RAP1GAP2: variants seen among roughly 807,000 people sequenced by gnomAD.
RAP1GAP2 encodes the protein RAP1 GTPase activating protein 2, also known as rap1 GTPase-activating protein 2.
RAP1GAP2 carries 27 observed loss-of-function variants against 95.0 expected under a neutral mutation model. The ratio of observed to expected loss-of-function variants is 0.28; its 90% CI spans 0.21 to 0.39. The LOEUF (loss-of-function observed/expected upper bound fraction) is 0.39, where lower values mean the gene tolerates loss of function less well. Among genes scored for constraint, RAP1GAP2 ranks in the 10% least tolerant of loss-of-function variants. RAP1GAP2 has a pLI of 1.00. For missense variants in RAP1GAP2, 771 were observed against 970.0 expected (o/e 0.79, Z 2.72); for synonymous variants, 373 against 380.9 (o/e 0.98, Z 0.24).
intron 1 of RAP1GAP2, among the ~76,000 whole-genome samples, chr17:2,779,973 G>A (rs80253366): frequency 0.17 from 25,192 of 151,934 alleles, 2,399 homozygotes; most frequent in South Asian, 0.33. Flanking sequence ...GGAGGGCATT[G>A]GGTGAGGTCT....
chr17:2,958,205 C>T (rs1393795059), intron 4 of RAP1GAP2, among the ~76,000 whole-genome samples: 5 of 152,106 alleles, frequency 3.3e-5, no homozygotes, highest in South Asian at 2.1e-4. Context: ...TCAAGTCCTG[C>T]ACCAGACACT....
At chr17:2,960,374 G>A (rs9894459) in intron 4 of RAP1GAP2, among the ~76,000 whole-genome samples, 65,723 of 151,932 alleles carry the variant, frequency 0.43, 16,306 homozygotes, top group African/African-American at 0.68. Flanking sequence ...CAGTTTGCCA[G>A]CTGGGACAGG....
chr17:2,901,010 A>C (rs557565142), intron 2 of RAP1GAP2, among the ~76,000 whole-genome samples: 4 of 152,286 alleles, frequency 2.6e-5, no homozygotes, highest in Non-Finnish European at 5.9e-5. Flanking sequence ...GTGCTGTCAC[A>C]GGGGCTCCGC....
chr17:2,834,162 T>C (rs750956041), intron 2 of RAP1GAP2, among the ~76,000 whole-genome samples: 13 of 152,314 alleles, frequency 8.5e-5, no homozygotes, highest in Admixed American at 1.3e-4. Context: ...GAGAGTTGGC[T>C]GTGGGATTGA....
chr17:2,906,627 G>C lies in RAP1GAP2; in HGVS notation c.165+1259G>C, dbSNP rs1490258831. ...GGTATCTGAGCCGGGTGCTGGGCCAGCTCTTTGCACAGGGTAATGCTAAGA... is the reference window on the plus strand; with the variant it reads ...GGTATCTGAGCCGGGTGCTGGGCCACCTCTTTGCACAGGGTAATGCTAAGA... On this transcript the variant is annotated intron_variant, in intron 3 of 24. Coordinates refer to ENST00000254695, the MANE Select transcript of RAP1GAP2 (RefSeq NM_015085.5). The surrounding 1 kb of genome is among the most constrained non-coding windows in gnomAD (Gnocchi z 4.3). 6.6e-6 allele frequency among the ~76,000 whole-genome samples: 1 copy of C among 152,044 alleles called. No individual in the cohort carries two copies. Among genetic ancestry groups the C allele is most frequent in the African/African-American group, 2.4e-5 (1 of 41,410 alleles).
rs180823446 is a variant in RAP1GAP2, at chr17:2,947,529, T to C, written c.166-10230T>C. ...TCTTGCTTAGCAGAATATTTAGTCA[T>C]TCATCTGGCAAATGTTTATTGAGCA... On this transcript the variant is annotated intron_variant, in intron 3 of 24. Coordinates refer to ENST00000254695, the MANE Select transcript of RAP1GAP2 (RefSeq NM_015085.5). Among the ~76,000 whole-genome samples, 232 of 152,310 alleles carry C rather than the reference T, an allele frequency of 1.5e-3. 2 individuals are homozygous for C. The highest frequency in any genetic ancestry group is 5.5e-3 in the African/African-American group (229 of 41,576).
At chr17:2,780,765 A>G (rs779605906) in intron 1 of RAP1GAP2, among the ~76,000 whole-genome samples, 2 of 152,226 alleles carry the variant, frequency 1.3e-5, no homozygotes, top group Non-Finnish European at 2.9e-5. Flanking sequence ...TTTGTTTTTA[A>G]TAAGTTTAAT....
rs144863807 is a variant in RAP1GAP2 at position 2,999,183 on chromosome 17, G to A, written c.1200+807G>A. Among the ~76,000 whole-genome samples, 417 of 152,240 alleles carry A rather than the reference G, an allele frequency of 2.7e-3. 4 individuals are homozygous for A. Among genetic ancestry groups the A allele is most frequent in the Middle Eastern group, 0.017 (5 of 294 alleles). ...CAGCTCATTGCCCCTGCAGTCCCCC[G>A]CTCCCCACTCCTCATGGCTGGATCT... On this transcript the variant is annotated intron_variant, in intron 14 of 24. Coordinates refer to ENST00000254695, the MANE Select transcript of RAP1GAP2 (RefSeq NM_015085.5).
intron 8 of RAP1GAP2, among the ~76,000 whole-genome samples, chr17:2,969,027 G>A (rs896723516): frequency 6.6e-6 from 1 of 151,908 alleles, no homozygotes; most frequent in African/African-American, 2.4e-5. Context: ...ATGTACACAT[G>A]TATGTAATGA....
chr17:3,018,248 C>T (rs1182919002), intron 18 of RAP1GAP2, 50 bp downstream of exon 18: 7 of 1,518,588 alleles, frequency 4.6e-6, no homozygotes, highest in Non-Finnish European at 5.3e-6. Flanking sequence ...GGGAGGCCCC[C>T]CCCAGACCTA....
At chr17:2,943,707 A>G (rs1486163751) in intron 3 of RAP1GAP2, among the ~76,000 whole-genome samples, 2 of 152,086 alleles carry the variant, frequency 1.3e-5, no homozygotes, top group Admixed American at 1.3e-4. Flanking sequence ...ACCAAACAAA[A>G]ACGTGTACTA....
intron 2 of RAP1GAP2, among the ~76,000 whole-genome samples, chr17:2,895,323 T>C (rs2073855533): frequency 6.6e-6 from 1 of 152,090 alleles, no homozygotes; most frequent in African/African-American, 2.4e-5. Context: ...GGGCCCCTTC[T>C]CCTCCTCAGA....
rs1349507283 is a variant in RAP1GAP2 at position 3,037,190 on chromosome 17, A to G, written c.*3829A>G. The G allele has an allele frequency of 1.5e-4, 23 of 152,704 alleles. No individual in the cohort carries two copies. The allele number at this position is 152,704 out of a possible 1,614,324, so 9.5% of individuals were successfully genotyped here. A position where few individuals can be genotyped will look rare whatever the true frequency, so the allele number is the denominator to read the frequency against. ...ACCGTGTGCCCCTTTGGGAGGAAGA[A>G]GACAAGCCCCACTAGGGCCAAGGGC... is the stretch of plus-strand genomic sequence containing the variant. On this transcript the variant is annotated 3_prime_UTR_variant, in exon 25 of 25. Transcript: ENST00000254695.
In RAP1GAP2 at chr17:2,903,148, T is replaced by C. The variant is rs1424435406; in HGVS notation, c.81-2136T>C. Among the ~76,000 whole-genome samples, 1 of 152,160 alleles carries C rather than the reference T, an allele frequency of 6.6e-6. No homozygotes were observed. Among genetic ancestry groups the C allele is most frequent in the Non-Finnish European group, 1.5e-5 (1 of 68,006 alleles). On this transcript the variant is annotated intron_variant, in intron 2 of 24. Transcript: ENST00000254695. This position sits in a 1 kb window ranked among gnomAD's most constrained non-coding sequence, Gnocchi z 4.1. ...TTTTACTTCCCCTCCCTGCGTGCTT[T>C]TCCTTGCTGGGCTCCTAGCCTTACA...
intron 3 of RAP1GAP2, among the ~76,000 whole-genome samples, chr17:2,924,337 G>C (rs1478285826): frequency 6.6e-6 from 1 of 152,172 alleles, no homozygotes; most frequent in Non-Finnish European, 1.5e-5. Context: ...ATCAAGCAGA[G>C]CCCATCCCGG....
rs866855456 is a variant in RAP1GAP2, at chr17:2,841,297, T to C, written c.80+40747T>C. On this transcript the variant is annotated intron_variant, in intron 2 of 24. Transcript: ENST00000254695. ...GTAGAGAGAAAAGTTACAAGAGATA[T>C]GGGGAATTTTTTTTTTTTTTTTTTG... 1.1e-4 allele frequency among the ~76,000 whole-genome samples: 15 copies of C among 133,144 alleles called. No homozygotes were observed. In the Middle Eastern group the frequency reaches 0.012, roughly 106 times the overall value. The allele number at this position is 133,144 out of a possible 152,430, so 87.3% of individuals were successfully genotyped here. A position where few individuals can be genotyped will look rare whatever the true frequency, so the allele number is the denominator to read the frequency against.
In RAP1GAP2 at chr17:2,816,129, C is replaced by T. The variant is rs892941275; in HGVS notation, c.80+15579C>T. On this transcript the variant is annotated intron_variant, in intron 2 of 24. Coordinates refer to ENST00000254695, the MANE Select transcript of RAP1GAP2 (RefSeq NM_015085.5). ...GCAACCATAATCTGGTAAAAATAGG[C>T]GGGGGAGGGAAGAGCTGGAAGAGGC... is the stretch of plus-strand genomic sequence containing the variant. Among the ~76,000 whole-genome samples, 34 of 151,576 alleles carry T rather than the reference C, an allele frequency of 2.2e-4. 1 individual carries two copies. Among genetic ancestry groups the T allele is most frequent in the Non-Finnish European group, 4.0e-4 (27 of 67,932 alleles).
intron 3 of RAP1GAP2, among the ~76,000 whole-genome samples, chr17:2,933,709 G>A (rs977907407): frequency 2.0e-5 from 3 of 152,318 alleles, no homozygotes; most frequent in East Asian, 3.9e-4. Context: ...ACCCTGTTAC[G>A]GACCTGGCAA....
intron 3 of RAP1GAP2, among the ~76,000 whole-genome samples, chr17:2,907,262 G>A (rs905819540): frequency 6.6e-6 from 1 of 152,164 alleles, no homozygotes; most frequent in Non-Finnish European, 1.5e-5. Flanking sequence ...TGAGAATGAG[G>A]GAGGGGTAGG....
Sources: allele counts gnomAD v4.1 joint callset (sites outside exome capture counted in the v4.1 genomes callset), GRCh38; gene constraint gnomAD v4.1.1; non-coding constraint Gnocchi (gnomAD v3.1); transcripts MANE v1.5; gene names NCBI Gene and HGNC (gene_info 2026-07-23, HGNC 2026-07-21).